Variants in FGF14 observed in about 807,000 individuals in gnomAD.
FGF14 encodes the protein fibroblast growth factor homologous factor 4.
FGF14 carries 5 observed loss-of-function variants against 25.5 expected under a neutral mutation model. That is an observed-to-expected ratio of 0.20 (90% CI 0.10 to 0.41). The LOEUF (loss-of-function observed/expected upper bound fraction) is 0.41, where lower values mean the gene tolerates loss of function less well. Among genes scored for constraint, FGF14 ranks in the 10% least tolerant of loss-of-function variants. The pLI, the probability that FGF14 is intolerant of heterozygous loss-of-function variation, is 1.00. For synonymous variants in FGF14, 138 were observed against 118.3 expected (o/e 1.17, Z -1.08); for missense variants, 222 against 320.1 (o/e 0.69, Z 2.34).
chr13:102,229,816 T>C (rs2050996247), intron 1 of FGF14, among the ~76,000 whole-genome samples: 1 of 152,224 alleles, frequency 6.6e-6, no homozygotes, highest in Admixed American at 6.5e-5. Flanking sequence ...TTCCAAATTT[T>C]CCAGATTAAC....
At chr13:102,210,810 G>A (rs2050126101) in intron 1 of FGF14, among the ~76,000 whole-genome samples, 2 of 152,178 alleles carry the variant, frequency 1.3e-5, no homozygotes, top group African/African-American at 4.8e-5. Flanking sequence ...AAATGAGGGG[G>A]TTTCAAGGTA....
intron 1 of FGF14, among the ~76,000 whole-genome samples, chr13:102,226,438 G>T (rs1215567442): frequency 6.6e-6 from 1 of 152,108 alleles, no homozygotes; most frequent in Non-Finnish European, 1.5e-5. Flanking sequence ...ACTGCTGTCT[G>T]TATAATGCCT....
chr13:101,880,762 T>G (rs1177498434), intron 1 of FGF14, among the ~76,000 whole-genome samples: 1 of 152,224 alleles, frequency 6.6e-6, no homozygotes, highest in Non-Finnish European at 1.5e-5. Flanking sequence ...AATTTGCATA[T>G]TACTCAAAAT....
chr13:102,070,956 AACACACACAC>A lies in FGF14; in HGVS notation c.209-195670_209-195661del, dbSNP rs56002219. The stretch of plus-strand genomic sequence containing the variant: ...TTTGCTAGAAAACAAAACAAAACAA[AACACACACAC>A]ACACACACACACACATAAAAACATC... On this transcript the variant is annotated intron_variant, in intron 1 of 4. Transcript: ENST00000376131. 8.4e-3 allele frequency among the ~76,000 whole-genome samples: 1,257 copies of A among 148,894 alleles called. 16 individuals are homozygous for A. Among genetic ancestry groups the A allele is most frequent in the African/African-American group, 0.03 (1,182 of 39,836 alleles).
Position 101,913,703 on chromosome 13 carries a change from C to G in FGF14, c.193+2750G>C, listed in dbSNP as rs1368551998. 2.7e-5 allele frequency among the ~76,000 whole-genome samples: 4 copies of G among 150,602 alleles called. No homozygotes were observed. The East Asian group carries it at 7.7e-4, about 29-fold the overall frequency. ...CTCTGCACACACATTGCTTTTTCTA[C>G]CTGCTCTTAAAATCTCTGCATCCTT... On this transcript the variant is annotated intron_variant, in intron 1 of 4. Transcript: ENST00000376143.
intron 3 of FGF14, among the ~76,000 whole-genome samples, chr13:101,813,983 A>G (rs967111680): frequency 2.0e-5 from 3 of 152,244 alleles, no homozygotes; most frequent in African/African-American, 7.2e-5. Flanking sequence ...GACATAACTA[A>G]AGAATTCATT....
chr13:102,337,455 G>A (rs1392839975), intron 1 of FGF14, among the ~76,000 whole-genome samples: 1 of 152,148 alleles, frequency 6.6e-6, no homozygotes, highest in Non-Finnish European at 1.5e-5. Flanking sequence ...GATGAGCAAA[G>A]AAAGTGTTTT....
At position 102,400,180 on chromosome 13, in the gene FGF14, C is replaced by A. The variant is rs1035179691; in HGVS notation, c.208+1291G>T. Reference sequence around the variant, plus strand: ...GCTGGAGGGCAGCAGCCACTTGCTGCCCCAGTCGCTGGGGCTCTGGGTGCC... The same window carrying A: ...GCTGGAGGGCAGCAGCCACTTGCTGACCCAGTCGCTGGGGCTCTGGGTGCC... On this transcript the variant is annotated intron_variant, in intron 1 of 4. Transcript: ENST00000376131. The surrounding 1 kb of genome is among the most constrained non-coding windows in gnomAD (Gnocchi z 4.3). Among the ~76,000 whole-genome samples the A allele has an allele frequency of 6.6e-6, 1 of 152,088 alleles. No individual in the cohort carries two copies. Among genetic ancestry groups the A allele is most frequent in the Non-Finnish European group, 1.5e-5 (1 of 67,994 alleles).
intron 1 of FGF14, among the ~76,000 whole-genome samples, chr13:102,098,112 G>A (rs1447865312): frequency 6.6e-6 from 1 of 152,164 alleles, no homozygotes; most frequent in Non-Finnish European, 1.5e-5. Flanking sequence ...GATTGGACCT[G>A]CCCTAATTCT....
chr13:101,937,952 A>G lies in FGF14; in HGVS notation c.209-62656T>C, dbSNP rs58458708. ...TGGTATTTTCTTATGACAGTCCTAGAAAACTAATACATTATTTGAAAATGA... is the reference window on the plus strand; with the variant it reads ...TGGTATTTTCTTATGACAGTCCTAGGAAACTAATACATTATTTGAAAATGA... On this transcript the variant is annotated intron_variant, in intron 1 of 4. Transcript: ENST00000376131. Among the ~76,000 whole-genome samples, 1,118 of 152,304 alleles carry G rather than the reference A, an allele frequency of 7.3e-3. 13 individuals carry two copies. Among genetic ancestry groups the G allele is most frequent in the African/African-American group, 0.025 (1,047 of 41,554 alleles).
chr13:102,314,241 C>T (rs2055911426), intron 1 of FGF14, among the ~76,000 whole-genome samples: 1 of 152,138 alleles, frequency 6.6e-6, no homozygotes, highest in African/African-American at 2.4e-5. Context: ...AAATTGAAGT[C>T]ATCAATAAAG....
At chr13:101,980,438 AAG>A (rs1424268762) in intron 1 of FGF14, among the ~76,000 whole-genome samples, 1 of 152,198 alleles carries the variant, frequency 6.6e-6, no homozygotes, top group Non-Finnish European at 1.5e-5. Flanking sequence ...AATAATGTAA[AAG>A]AAGTCTACTG....
chr13:102,127,292 C>T (rs762176633), intron 1 of FGF14, among the ~76,000 whole-genome samples: 14 of 152,126 alleles, frequency 9.2e-5, no homozygotes, highest in Non-Finnish European at 1.3e-4. Context: ...AAGCATCACA[C>T]CAAATGTTTT....
intron 1 of FGF14, among the ~76,000 whole-genome samples, chr13:102,247,657 C>G: frequency 6.6e-6 from 1 of 152,128 alleles, no homozygotes; most frequent in Non-Finnish European, 1.5e-5. Flanking sequence ...TAAATTAGTT[C>G]AACCATTGTG....
intron 1 of FGF14, among the ~76,000 whole-genome samples, chr13:102,190,522 T>A: frequency 6.6e-6 from 1 of 152,170 alleles, no homozygotes; most frequent in East Asian, 1.9e-4. Context: ...ACCCAAAATT[T>A]CAATAGTGTT....
At chr13:101,967,860 A>C (rs2037315217) in intron 1 of FGF14, 1 of 152,870 alleles carries the variant, frequency 6.5e-6, no homozygotes, top group Non-Finnish European at 1.5e-5. Flanking sequence ...GCCTAATCAG[A>C]AGGAAGAAAA....
At chr13:102,354,745 T>G (rs1039758209) in intron 1 of FGF14, among the ~76,000 whole-genome samples, 1 of 152,206 alleles carries the variant, frequency 6.6e-6, no homozygotes, top group African/African-American at 2.4e-5. Context: ...CAGATACTTT[T>G]GGTTCACAAC....
chr13:102,272,140 T>C lies in FGF14; in HGVS notation c.208+129331A>G, dbSNP rs553868808. Among the ~76,000 whole-genome samples the C allele has an allele frequency of 1.9e-3, 296 of 152,288 alleles. 2 individuals carry two copies. Among genetic ancestry groups the C allele is most frequent in the African/African-American group, 6.6e-3 (274 of 41,568 alleles). The stretch of plus-strand genomic sequence containing the variant: ...CCAGCCACTCTGACATTTTTTCTTT[T>C]CCTCAAACACCCCTTAGGTTTTCAG... On this transcript the variant is annotated intron_variant, in intron 1 of 4. Transcript: ENST00000376131.
intron 1 of FGF14, among the ~76,000 whole-genome samples, chr13:101,943,222 C>T (rs892266433): frequency 4.6e-5 from 7 of 152,162 alleles, no homozygotes; most frequent in African/African-American, 1.7e-4. Flanking sequence ...TTCACTCTTC[C>T]GGGTTCCATA....
Sources: allele counts gnomAD v4.1 joint callset (sites outside exome capture counted in the v4.1 genomes callset), GRCh38; gene constraint gnomAD v4.1.1; non-coding constraint Gnocchi (gnomAD v3.1); transcripts MANE v1.5; gene names NCBI Gene and HGNC (gene_info 2026-07-23, HGNC 2026-07-21).